PRPF6: variants seen among roughly 807,000 people sequenced by gnomAD.
The protein encoded by PRPF6 is pre-mRNA processing factor 6.
PRPF6 carries 42 observed loss-of-function variants against 118.3 expected under a neutral mutation model. The observed-to-expected ratio is 0.35, with a 90% CI of 0.28 to 0.46. PRPF6 has a LOEUF of 0.46. Ranked by LOEUF, PRPF6 falls within the 20% of genes least tolerant of loss-of-function variation. The pLI is 1.00. For synonymous variants in PRPF6, 481 were observed against 485.1 expected, an observed-to-expected ratio of 0.99 and a Z score of 0.11; for missense variants, 662 against 1,255.7, an observed-to-expected ratio of 0.53 and a Z score of 7.15.
chr20:64,007,719 A>G (rs2123044270), intron 9 of PRPF6, among the ~76,000 whole-genome samples: 1 of 151,964 alleles, frequency 6.6e-6, no homozygotes, highest in East Asian at 1.9e-4. Context: ...CTCCCACCTC[A>G]GCCTCCCAAA....
rs191584685 is a variant in PRPF6 at position 64,006,478 on chromosome 20, G to A, written c.1187-3722G>A. ...ATTACAGGCACCTGCCACCACACCC[G>A]ACTAATTTTTGTATTTTTAATAGAG... On this transcript the variant is annotated intron_variant, in intron 9 of 20. Coordinates refer to ENST00000266079, the MANE Select transcript of PRPF6 (RefSeq NM_012469.4). 1.2e-4 allele frequency among the ~76,000 whole-genome samples: 19 copies of A among 152,072 alleles called. 1 individual carries two copies. The highest frequency in any genetic ancestry group is 9.8e-4 in the Admixed American group (15 of 15,244).
intron 2 of PRPF6, among the ~76,000 whole-genome samples, chr20:63,984,132 G>GT (rs2059083424): frequency 6.6e-6 from 1 of 152,098 alleles, no homozygotes; most frequent in African/African-American, 2.4e-5. Context: ...AATAATTTTA[G>GT]TTTTGAGGCC....
chr20:64,029,561 C>A lies in PRPF6; in HGVS notation c.2546+70C>A. On this transcript the variant is annotated intron_variant, in intron 19 of 20. Coordinates refer to ENST00000266079, the MANE Select transcript of PRPF6 (RefSeq NM_012469.4). The surrounding 1 kb of genome is among the most constrained non-coding windows in gnomAD (Gnocchi z 4.8). ...GGGCTCTTTTTCCAGAGTCTGTCTG[C>A]CTCTTCCTGGTCATTGTAAAGATGC... 1 of 1,320,338 alleles carries A rather than the reference C, an allele frequency of 7.6e-7. No homozygotes were observed. Among genetic ancestry groups the A allele is most frequent in the Non-Finnish European group, 1.1e-6 (1 of 917,566 alleles). The allele number at this position is 1,320,338 out of a possible 1,614,324, so 81.8% of individuals were successfully genotyped here.
In PRPF6 at chr20:63,982,265, C is replaced by T. The variant is rs754732105; in HGVS notation, c.72-782C>T. Among the ~76,000 whole-genome samples, 48 of 152,266 alleles carry T rather than the reference C, an allele frequency of 3.2e-4. No individual in the cohort carries two copies. The South Asian group carries it at 5.0e-3, about 16-fold the overall frequency. On this transcript the variant is annotated intron_variant, in intron 1 of 20. Transcript: ENST00000266079. ...TCAGCTCCCTGCAATCTCTGCCCCC[C>T]GGGTTCAAGCAGTTCTCTGCCTCAG...
intron 11 of PRPF6, among the ~76,000 whole-genome samples, chr20:64,013,074 C>T (rs185775939): frequency 2.6e-5 from 4 of 151,692 alleles, no homozygotes; most frequent in East Asian, 1.9e-4. Flanking sequence ...AAGCAGTTCT[C>T]CTACGTCAGT....
In PRPF6 at chr20:64,016,863, G is replaced by C; in HGVS notation, c.1647+18G>C. On this transcript the variant is annotated intron_variant, in intron 12 of 20. Transcript: ENST00000266079. ...CTGACAGTGTGAGTTGGCAACAGGG[G>C]CCTTTGTCCGTAATATGGAGTCTCT... 7 of 1,614,074 alleles carry C rather than the reference G, an allele frequency of 4.3e-6. No individual in the cohort carries two copies. Among genetic ancestry groups the C allele is most frequent in the Non-Finnish European group, 5.9e-6 (7 of 1,179,980 alleles).
At chr20:64,021,919 TGCCTCA>T (rs1385209671) in intron 12 of PRPF6, among the ~76,000 whole-genome samples, 15 of 150,004 alleles carry the variant, frequency 1.0e-4, no homozygotes, top group Admixed American at 6.6e-5. Context: ...CGTATGCATA[TGCCTCA>T]GCCACAGCCG....
intron 12 of PRPF6, among the ~76,000 whole-genome samples, chr20:64,021,345 G>C (rs1024960887): frequency 2.7e-5 from 4 of 150,244 alleles, no homozygotes; most frequent in African/African-American, 7.5e-5. Flanking sequence ...CCGTGTGTCT[G>C]TGTGTGTGTG....
intron 3 of PRPF6, among the ~76,000 whole-genome samples, chr20:63,989,987 G>A (rs1226587575): frequency 1.3e-5 from 2 of 151,830 alleles, no homozygotes; most frequent in Non-Finnish European, 2.9e-5. Flanking sequence ...CCAAGTAGCC[G>A]GGATTATAGG....
intron 12 of PRPF6, among the ~76,000 whole-genome samples, chr20:64,021,237 G>C (rs2059261036): frequency 6.6e-6 from 1 of 151,222 alleles, no homozygotes; most frequent in African/African-American, 2.5e-5. Flanking sequence ...CCCCATGTCT[G>C]TGTGTGCGTG....
intron 12 of PRPF6, among the ~76,000 whole-genome samples, chr20:64,017,648 G>T (rs2059245377): frequency 6.6e-6 from 1 of 152,248 alleles, no homozygotes; most frequent in South Asian, 2.1e-4. Context: ...CTCCCAGAGT[G>T]CTGGGATCAC....
chr20:63,996,644 C>A (rs2059142213), intron 6 of PRPF6, among the ~76,000 whole-genome samples: 1 of 152,116 alleles, frequency 6.6e-6, no homozygotes, highest in African/African-American at 2.4e-5. Flanking sequence ...AATTGTAAAA[C>A]TTTTTGGGCC....
At chr20:64,003,630 C>T (rs540650205) in intron 9 of PRPF6, among the ~76,000 whole-genome samples, 2 of 152,272 alleles carry the variant, frequency 1.3e-5, no homozygotes, top group South Asian at 4.1e-4. Flanking sequence ...GAGTCTCGCT[C>T]TGTCGCCCAG....
At position 64,011,596 on chromosome 20, in the gene PRPF6, C is replaced by T; in HGVS notation, c.1524+93C>T. The T allele has an allele frequency of 7.2e-7, 1 of 1,381,166 alleles. No homozygotes were observed. Among genetic ancestry groups the T allele is most frequent in the Non-Finnish European group, 1.0e-6 (1 of 1,003,964 alleles). The allele number at this position is 1,381,166 out of a possible 1,614,324, so 85.6% of individuals were successfully genotyped here. A position where few individuals can be genotyped will look rare whatever the true frequency, so the allele number is the denominator to read the frequency against. ...CAGGACTGGGGGTTGCTGGATGGTA[C>T]TGGGGAGTCCTGTGCCAAACCAGAA... is the stretch of plus-strand genomic sequence containing the variant. On this transcript the variant is annotated intron_variant, in intron 11 of 20. Coordinates refer to ENST00000266079, the MANE Select transcript of PRPF6 (RefSeq NM_012469.4). This position sits in a 1 kb window ranked among gnomAD's most constrained non-coding sequence, Gnocchi z 6.7.
rs745378731 is a variant in PRPF6, at chr20:64,016,809, A to G, written c.1611A>G (p.Glu537=). 71 of 1,614,108 alleles carry G rather than the reference A, an allele frequency of 4.4e-5. No individual in the cohort carries two copies. Among genetic ancestry groups the G allele is most frequent in the Admixed American group, 1.0e-4 (6 of 60,010 alleles). The change falls in exon 12 of 21, where the codon GAA becomes GAG. Residue 537 remains glutamate, a synonymous_variant. Coordinates refer to ENST00000266079, the MANE Select transcript of PRPF6 (RefSeq NM_012469.4). ...TGATTGGGATTGGGATTGAGGAGGA[A>G]GATCGGAAGCATACCTGGATGGAGG... ...RAVIGIGIEE[E]DRKHTWMEDA...
chr20:64,004,800 C>T (rs896943900), intron 9 of PRPF6, among the ~76,000 whole-genome samples: 2 of 152,176 alleles, frequency 1.3e-5, no homozygotes, highest in East Asian at 3.8e-4. Flanking sequence ...TGGCAGCTCC[C>T]CTACAATAAT....
chr20:64,000,599 C>T (rs1442519708), intron 8 of PRPF6, among the ~76,000 whole-genome samples: 1 of 147,606 alleles, frequency 6.8e-6, no homozygotes, highest in Non-Finnish European at 1.5e-5. Flanking sequence ...TTTTGAGTCT[C>T]GCTCTGTTGC....
Position 64,024,694 on chromosome 20 carries a change from G to A in PRPF6, c.1908+1G>A, listed in dbSNP as rs757200700. ...GAGCATCCTGGCCCTGGCCTTCCAGGTGGGTGAGGGTTGCCTGTGTGGTGA... is the reference window on the plus strand; with the variant it reads ...GAGCATCCTGGCCCTGGCCTTCCAGATGGGTGAGGGTTGCCTGTGTGGTGA... On this transcript the variant is annotated splice_donor_variant, in intron 14 of 20. Transcript: ENST00000266079. LOFTEE classifies it high-confidence loss of function. The A allele has an allele frequency of 1.2e-6, 2 of 1,611,940 alleles. No individual in the cohort carries two copies. Among genetic ancestry groups the A allele is most frequent in the Non-Finnish European group, 1.7e-6 (2 of 1,179,680 alleles).
chr20:64,014,887 C>A (rs1035683462), intron 11 of PRPF6, among the ~76,000 whole-genome samples: 2 of 152,178 alleles, frequency 1.3e-5, no homozygotes, highest in African/African-American at 4.8e-5. Flanking sequence ...ATTGCTTCTA[C>A]TGAGCGTGGT....
Sources: allele counts gnomAD v4.1 joint callset (sites outside exome capture counted in the v4.1 genomes callset), GRCh38; gene constraint gnomAD v4.1.1; non-coding constraint Gnocchi (gnomAD v3.1); transcripts MANE v1.5; gene names NCBI Gene and HGNC (gene_info 2026-07-23, HGNC 2026-07-21).